Variants in PALM2AKAP2 observed in about 807,000 individuals in gnomAD.
The protein encoded by PALM2AKAP2 is PALM2 and AKAP2 fusion.
A neutral mutation model predicts 71.5 loss-of-function variants in PALM2AKAP2; 37 were observed. The observed-to-expected ratio is 0.52, with a 90% CI of 0.40 to 0.68. The LOEUF is 0.68. Ranked by LOEUF, PALM2AKAP2 falls within the 30% of genes least tolerant of loss-of-function variation. PALM2AKAP2 has a pLI of 0.00. For synonymous variants in PALM2AKAP2, 468 were observed against 478.8 expected, an observed-to-expected ratio of 0.98 and a Z score of 0.29; for missense variants, 1,224 against 1,191.8, an observed-to-expected ratio of 1.03 and a Z score of -0.40.
intron 3 of PALM2AKAP2, among the ~76,000 whole-genome samples, chr9:109,884,426 C>A (rs776874874): frequency 9.2e-5 from 14 of 152,270 alleles, no homozygotes; most frequent in Middle Eastern, 3.4e-3. Flanking sequence ...CATGCCACTG[C>A]ACTCCAGCCT....
intron 1 of PALM2AKAP2, among the ~76,000 whole-genome samples, chr9:109,676,656 A>G (rs978861558): frequency 3.9e-5 from 6 of 152,230 alleles, no homozygotes; most frequent in Admixed American, 6.5e-5. Context: ...AAGGGCTTGC[A>G]TAAATCCCCA....
At chr9:110,160,273 C>A (rs1452479541) in intron 3 of PALM2AKAP2, among the ~76,000 whole-genome samples, 2 of 152,218 alleles carry the variant, frequency 1.3e-5, no homozygotes, top group Non-Finnish European at 2.9e-5. Flanking sequence ...GTGCACACAA[C>A]ACACACCCAG....
chr9:109,849,216 T>C (rs1009383850), intron 1 of PALM2AKAP2, among the ~76,000 whole-genome samples: 2 of 152,138 alleles, frequency 1.3e-5, no homozygotes, highest in African/African-American at 4.8e-5. Context: ...GCCTTCTGCC[T>C]GGGAACAGGA....
intron 1 of PALM2AKAP2, among the ~76,000 whole-genome samples, chr9:109,706,027 A>G (rs1224503189): frequency 1.3e-5 from 2 of 152,216 alleles, no homozygotes; most frequent in African/African-American, 4.8e-5. Context: ...AAGTCTCCCC[A>G]GCAAGGGATC....
chr9:109,710,138 G>C (rs371935103), intron 1 of PALM2AKAP2, among the ~76,000 whole-genome samples: 4 of 152,186 alleles, frequency 2.6e-5, no homozygotes, highest in East Asian at 1.9e-4. Flanking sequence ...GGGAACAAAT[G>C]CTTCCTCAGA....
chr9:110,054,255 C>T (rs753314027), intron 1 of PALM2AKAP2, among the ~76,000 whole-genome samples: 12 of 152,224 alleles, frequency 7.9e-5, no homozygotes, highest in South Asian at 2.1e-4. Context: ...TAAAATTAGC[C>T]GGGTGTGGTG....
intron 2 of PALM2AKAP2, among the ~76,000 whole-genome samples, chr9:109,875,762 C>G (rs1403991882): frequency 6.6e-6 from 1 of 152,164 alleles, no homozygotes; most frequent in African/African-American, 2.4e-5. Flanking sequence ...AGGAAGTTCT[C>G]CTGGTGGTCC....
intron 1 of PALM2AKAP2, among the ~76,000 whole-genome samples, chr9:109,712,058 C>T (rs1322278): frequency 0.2 from 30,998 of 151,722 alleles, 3,543 homozygotes; most frequent in East Asian, 0.37. Flanking sequence ...AGAGTAGGCT[C>T]TAAAGAGCTT....
intron 1 of PALM2AKAP2, among the ~76,000 whole-genome samples, chr9:109,762,356 T>G (rs1829069069): frequency 6.6e-6 from 1 of 152,178 alleles, no homozygotes; most frequent in African/African-American, 2.4e-5. Context: ...GGATTCTAGG[T>G]CTAAGTTTCC....
At chr9:109,837,198 G>A (rs1026720747) in intron 1 of PALM2AKAP2, among the ~76,000 whole-genome samples, 1 of 152,208 alleles carries the variant, frequency 6.6e-6, no homozygotes, top group African/African-American at 2.4e-5. Flanking sequence ...AACTCTACAA[G>A]CCAGAAGAGA....
At chr9:110,118,066 T>C (rs1320283933) in intron 1 of PALM2AKAP2, among the ~76,000 whole-genome samples, 1 of 147,090 alleles carries the variant, frequency 6.8e-6, no homozygotes, top group African/African-American at 2.5e-5. Context: ...ATGTAGAAAA[T>C]GATCTATATT....
intron 6 of PALM2AKAP2, among the ~76,000 whole-genome samples, chr9:109,972,944 G>A (rs1832098909): frequency 6.6e-6 from 1 of 152,022 alleles, no homozygotes; most frequent in African/African-American, 2.4e-5. Flanking sequence ...ACCAATAATG[G>A]CTTAATACAC....
intron 2 of PALM2AKAP2, among the ~76,000 whole-genome samples, chr9:110,153,474 T>C (rs1317276282): frequency 6.6e-6 from 1 of 152,248 alleles, no homozygotes; most frequent in Non-Finnish European, 1.5e-5. Context: ...ATTGAGTCTG[T>C]GATTCTGTAA....
chr9:109,992,954 T>G (rs76522272), intron 6 of PALM2AKAP2, among the ~76,000 whole-genome samples: 19,924 of 142,492 alleles, frequency 0.14, 1,553 homozygotes, highest in Admixed American at 0.22. Context: ...TATATATATA[T>G]AGAGAGAGAG....
At chr9:110,068,085 C>CTTTTTTTTTTTTTT (rs1166191446) in intron 1 of PALM2AKAP2, among the ~76,000 whole-genome samples, 1 of 94,024 alleles carries the variant, frequency 1.1e-5, no homozygotes, top group African/African-American at 5.3e-5. Context: ...ATGTTCCAAA[C>CTTTTTTTTTTTTTT]TCTTTTTTTT....
intron 1 of PALM2AKAP2, among the ~76,000 whole-genome samples, chr9:109,759,687 T>C (rs2148999): frequency 0.023 from 3,532 of 152,238 alleles, 142 homozygotes; most frequent in African/African-American, 0.08. Flanking sequence ...TTTCTTGGTT[T>C]CTCTGGACGG....
At chr9:109,819,316 T>A (rs1018100073) in intron 1 of PALM2AKAP2, among the ~76,000 whole-genome samples, 3 of 152,236 alleles carry the variant, frequency 2.0e-5, no homozygotes, top group African/African-American at 7.2e-5. Flanking sequence ...GGCTTTTACA[T>A]TCGTGTAATC....
chr9:109,756,320 G>C (rs1828963184), intron 1 of PALM2AKAP2, among the ~76,000 whole-genome samples: 1 of 152,114 alleles, frequency 6.6e-6, no homozygotes, highest in Non-Finnish European at 1.5e-5. Context: ...TTTGCCATAG[G>C]TATTTATTTG....
intron 1 of PALM2AKAP2, among the ~76,000 whole-genome samples, chr9:110,051,415 A>G (rs1191262273): frequency 6.6e-6 from 1 of 152,256 alleles, no homozygotes; most frequent in African/African-American, 2.4e-5. Context: ...CCAAAAATGC[A>G]AACACTTTGG....
Sources: allele counts gnomAD v4.1 joint callset (sites outside exome capture counted in the v4.1 genomes callset), GRCh38; gene constraint gnomAD v4.1.1; transcripts MANE v1.5; gene names NCBI Gene and HGNC (gene_info 2026-07-23, HGNC 2026-07-21).